Variants in ARHGEF10 observed in about 807,000 individuals in gnomAD.
ARHGEF10 encodes Rho guanine nucleotide exchange factor 10, also known as Rho guanine nucleotide exchange factor (GEF) 10.
ARHGEF10 carries 140 observed loss-of-function variants against 147.4 expected under a neutral mutation model. The ratio of observed to expected loss-of-function variants is 0.95; its 90% CI spans 0.83 to 1.09. The LOEUF is 1.09. ARHGEF10 is among the 50% of genes least tolerant of loss of function. ARHGEF10 has a pLI of 0.00. For synonymous variants in ARHGEF10, 902 were observed against 695.8 expected (o/e 1.30, Z -4.67); for missense variants, 2,222 against 1,752.7 (o/e 1.27, Z -4.78).
At chr8:1,824,841 C>T (rs1472311328) in intron 1 of ARHGEF10, among the ~76,000 whole-genome samples, 1 of 33,754 alleles carries the variant, frequency 3.0e-5, no homozygotes. Flanking sequence ...TCCCCACACC[C>T]CACCTGTTTA....
At chr8:1,864,276 TAGGAA>T (rs1806393726) in intron 4 of ARHGEF10, 92 bp from the exon 5 acceptor site, 3 of 1,221,082 alleles carry the variant, frequency 2.5e-6, no homozygotes, top group Non-Finnish European at 3.6e-6. Context: ...CTCTGATTGA[TAGGAA>T]AGTGTGAAAC....
chr8:1,890,755 A>T (rs919205022), intron 11 of ARHGEF10, among the ~76,000 whole-genome samples: 1 of 143,580 alleles, frequency 7.0e-6, no homozygotes, highest in East Asian at 2.1e-4. Flanking sequence ...AGAGAGAGTG[A>T]GTAGTGATTG....
chr8:1,935,660 C>G (rs1183112081), intron 26 of ARHGEF10, among the ~76,000 whole-genome samples: 1 of 152,212 alleles, frequency 6.6e-6, no homozygotes, highest in Non-Finnish European at 1.5e-5. Context: ...AACTCCGCAC[C>G]CTAGAGAAAT....
intron 27 of ARHGEF10, among the ~76,000 whole-genome samples, chr8:1,946,516 G>C (rs1814606985): frequency 6.6e-6 from 1 of 152,192 alleles, no homozygotes; most frequent in African/African-American, 2.4e-5. Flanking sequence ...GCCTCATGTG[G>C]TGAAGAAAGA....
In ARHGEF10 at chr8:1,864,358, T is replaced by A; in HGVS notation, c.482-15T>A. 6.2e-7 allele frequency: 1 copy of A among 1,613,964 alleles called. No homozygotes were observed. Among genetic ancestry groups the A allele is most frequent in the South Asian group, 1.1e-5 (1 of 91,072 alleles). ...TCAGGCGTAAAGCAGCATCACATAT[T>A]TTCTTTCCCAGCAGAAACACCAGAA... On this transcript the variant is annotated splice_polypyrimidine_tract_variant and intron_variant, in intron 4 of 28. Coordinates refer to ENST00000349830, the MANE Select transcript of ARHGEF10 (RefSeq NM_014629.4).
chr8:1,882,880 G>C (rs1374156200), intron 10 of ARHGEF10, 131 bp downstream of exon 10: 1 of 838,818 alleles, frequency 1.2e-6, no homozygotes, highest in Admixed American at 2.0e-5. Flanking sequence ...AGCCTGCTCA[G>C]TGCTTGGGTC....
At chr8:1,866,478 C>A (rs1806624744) in intron 5 of ARHGEF10, 48 bp from the exon 6 acceptor site, 2 of 1,578,288 alleles carry the variant, frequency 1.3e-6, no homozygotes, top group East Asian at 4.5e-5. Flanking sequence ...ATCCTAGTGA[C>A]TTGGGCTGTG....
chr8:1,892,172 T>C (rs1809583686), intron 11 of ARHGEF10, among the ~76,000 whole-genome samples: 1 of 151,874 alleles, frequency 6.6e-6, no homozygotes, highest in African/African-American at 2.4e-5. Flanking sequence ...GAGGGGTTGC[T>C]TGGCCTTTGG....
chr8:1,945,478 C>T lies in ARHGEF10; in HGVS notation c.3223-3C>T. 1 of 1,591,708 alleles carries T rather than the reference C, an allele frequency of 6.3e-7. No homozygotes were observed. Among genetic ancestry groups the T allele is most frequent in the Non-Finnish European group, 8.6e-7 (1 of 1,169,000 alleles). ...TAGCAGACTTGACCTCTCGATTTCACAGGGTCAGCTGGAGGCCCACCAGGA... is the reference window on the plus strand; with the variant it reads ...TAGCAGACTTGACCTCTCGATTTCATAGGGTCAGCTGGAGGCCCACCAGGA... On this transcript the variant is annotated splice_region_variant and splice_polypyrimidine_tract_variant and intron_variant, in intron 26 of 28. Transcript: ENST00000349830.
At chr8:1,854,199 A>G (rs1805373533) in intron 2 of ARHGEF10, among the ~76,000 whole-genome samples, 1 of 152,170 alleles carries the variant, frequency 6.6e-6, no homozygotes, top group Non-Finnish European at 1.5e-5. Context: ...CTCAGCACAC[A>G]CCACCTTGAA....
rs1810641622 is a variant in ARHGEF10 at position 1,903,462 on chromosome 8, G to T, written c.1821+11G>T. The T allele has an allele frequency of 1.2e-6, 2 of 1,613,866 alleles. No individual in the cohort carries two copies. The highest frequency in any genetic ancestry group is 2.7e-5 in the African/African-American group (2 of 75,050). On this transcript the variant is annotated intron_variant, in intron 16 of 28. Transcript: ENST00000349830. ...AGATACCTGAACAAGGTTGAGAGAGGTTTTCTTCAACTCTATTCCAAAATT... is the reference window on the plus strand; with the variant it reads ...AGATACCTGAACAAGGTTGAGAGAGTTTTTCTTCAACTCTATTCCAAAATT...
intron 15 of ARHGEF10, among the ~76,000 whole-genome samples, chr8:1,900,163 A>G (rs1810336962): frequency 6.6e-6 from 1 of 152,238 alleles, no homozygotes; most frequent in Non-Finnish European, 1.5e-5. Flanking sequence ...GTAAGTAAGT[A>G]ACTACAAGTA....
Position 1,882,726 on chromosome 8 carries a change from G to A in ARHGEF10, c.1052G>A (p.Arg351Lys), listed in dbSNP as rs1423269566. The A allele has an allele frequency of 2.1e-5, 33 of 1,552,020 alleles. No individual in the cohort carries two copies. Among genetic ancestry groups the A allele is most frequent in the Non-Finnish European group, 2.8e-5 (32 of 1,147,284 alleles). The part of the protein sequence containing the change: ...AAVKRGRSFI[R>K]TKSLIAQDHR... ...GTGAAGAGGGGCCGCTCCTTCATCAGGACCAAGTCTCTCATCGCACAGGGT... is the reference window on the plus strand; with the variant it reads ...GTGAAGAGGGGCCGCTCCTTCATCAAGACCAAGTCTCTCATCGCACAGGGT... Residue 351 changes from arginine to lysine, a missense_variant, in exon 10 of 29, where the codon AGG becomes AAG. Physicochemically the swap from Arg to Lys is conservative, Grantham distance 26. Coordinates refer to ENST00000349830, the MANE Select transcript of ARHGEF10 (RefSeq NM_014629.4).
intron 15 of ARHGEF10, among the ~76,000 whole-genome samples, chr8:1,903,021 G>A (rs1361919566): frequency 6.6e-6 from 1 of 152,158 alleles, no homozygotes; most frequent in Non-Finnish European, 1.5e-5. Context: ...TTCTGAGATT[G>A]TGATATGTTC....
At chr8:1,823,369 C>G (rs1384557239), upstream of ARHGEF10, among the ~76,000 whole-genome samples, 1 of 115,168 alleles carries the variant, frequency 8.7e-6, no homozygotes, top group Admixed American at 9.1e-5. Context: ...GACGGGGGCT[C>G]AAGGGCGGGT....
Position 1,876,667 on chromosome 8 carries a change from A to G in ARHGEF10, c.776A>G (p.Glu259Gly). 6.2e-7 allele frequency: 1 copy of G among 1,614,266 alleles called. No homozygotes were observed. Among genetic ancestry groups the G allele is most frequent in the Non-Finnish European group, 8.5e-7 (1 of 1,180,054 alleles). ...TCGAGTGAATTTGAAAGTTACGAAG[A>G]GCAGAGTGACTCGGAGTGCAAGAAT... is the stretch of plus-strand genomic sequence containing the variant. ...WSSSEFESYE[E>G]QSDSECKNGI... The change falls in exon 8 of 29, where the codon GAG becomes GGG. Residue 259 changes from glutamate to glycine, a missense_variant. Glu to Gly is a moderately conservative substitution (Grantham distance 98). Coordinates refer to ENST00000349830, the MANE Select transcript of ARHGEF10 (RefSeq NM_014629.4).
intron 16 of ARHGEF10, chr8:1,903,836 G>A (rs1258665964): frequency 1.0e-5 from 3 of 299,276 alleles, no homozygotes; most frequent in African/African-American, 4.4e-5. Context: ...GCTCACACCT[G>A]TAAGCCCAGC....
chr8:1,880,132 A>T lies in ARHGEF10; in HGVS notation c.928A>T (p.Ile310Phe). The change falls in exon 9 of 29, where the codon ATT (isoleucine) becomes TTT (phenylalanine). Residue 310 changes from isoleucine to phenylalanine, a missense_variant. Physicochemically the swap from Ile to Phe is conservative, Grantham distance 21. Transcript: ENST00000349830. ...GGCAAGCACGGTGGGCGTGGTGGAG[A>T]TTCAGCAGCTCAGGCAGAAGCATGA... Reference protein sequence around the residue: ...LMASTVGVVEIQQLRQKHELK... With the variant: ...LMASTVGVVEFQQLRQKHELK... 3.1e-6 allele frequency: 5 copies of T among 1,613,952 alleles called. No homozygotes were observed. Among genetic ancestry groups the T allele is most frequent in the Non-Finnish European group, 4.2e-6 (5 of 1,179,938 alleles).
Position 1,957,201 on chromosome 8 carries a change from CCCCA to C in ARHGEF10, c.3976_3979del (p.His1326ArgfsTer16). On this transcript the variant is annotated frameshift_variant, in exon 29 of 29. Transcript: ENST00000349830. LOFTEE classifies it high-confidence loss of function. ...CCGGGTGCACAGGAAGGCCCGGCAG[CCCCA>C]CCAGGAAGAGCTGGCGCCGACCGTC... 3.7e-6 allele frequency: 6 copies of C among 1,612,258 alleles called. No homozygotes were observed. Among genetic ancestry groups the C allele is most frequent in the Non-Finnish European group, 5.1e-6 (6 of 1,179,954 alleles).
Sources: allele counts gnomAD v4.1 joint callset (sites outside exome capture counted in the v4.1 genomes callset), GRCh38; gene constraint gnomAD v4.1.1; transcripts MANE v1.5; gene names NCBI Gene and HGNC (gene_info 2026-07-23, HGNC 2026-07-21).